CNNM2: variants seen among roughly 807,000 people sequenced by gnomAD.
CNNM2 encodes the protein cyclin and CBS domain divalent metal cation transport mediator 2.
In CNNM2, 12 loss-of-function variants were observed where a neutral mutation model predicts 66.9. The observed-to-expected ratio is 0.18, with a 90% CI of 0.11 to 0.29. The LOEUF (loss-of-function observed/expected upper bound fraction) is 0.29. Ranked by LOEUF, CNNM2 falls within the 10% of genes least tolerant of loss-of-function variation. The pLI, the probability that CNNM2 is intolerant of heterozygous loss-of-function variation, is 1.00. For missense variants in CNNM2, 705 were observed against 1,167.7 expected (o/e 0.60, Z 5.77); for synonymous variants, 557 against 501.8 (o/e 1.11, Z -1.47).
chr10:102,951,986 A>T (rs1161709443), intron 1 of CNNM2, among the ~76,000 whole-genome samples: 1 of 151,938 alleles, frequency 6.6e-6, no homozygotes, highest in Non-Finnish European at 1.5e-5. Flanking sequence ...TATTTTTAGT[A>T]GAGACAGGGT....
At chr10:102,963,514 T>C (rs1225757440) in intron 1 of CNNM2, among the ~76,000 whole-genome samples, 2 of 152,230 alleles carry the variant, frequency 1.3e-5, no homozygotes, top group African/African-American at 4.8e-5. Context: ...AGCATGAAGA[T>C]TAAAGCTGTT....
intron 1 of CNNM2, among the ~76,000 whole-genome samples, chr10:102,972,063 C>T (rs1156934835): frequency 1.3e-5 from 2 of 152,038 alleles, no homozygotes; most frequent in Non-Finnish European, 2.9e-5. Flanking sequence ...TTTATGGTGG[C>T]GTTTTTCCTT....
chr10:102,995,089 T>C (rs1316868354), intron 1 of CNNM2, among the ~76,000 whole-genome samples: 11 of 141,714 alleles, frequency 7.8e-5, no homozygotes, highest in African/African-American at 1.0e-4. Flanking sequence ...CACATGCGTT[T>C]GGTTTTTAGT....
chr10:102,998,377 A>G (rs1417161634), intron 1 of CNNM2, among the ~76,000 whole-genome samples: 1 of 152,244 alleles, frequency 6.6e-6, no homozygotes, highest in Non-Finnish European at 1.5e-5. Context: ...AAAGATAAGT[A>G]CTTTCCATTC....
At chr10:102,971,350 C>T (rs915547512) in intron 1 of CNNM2, among the ~76,000 whole-genome samples, 6 of 151,232 alleles carry the variant, frequency 4.0e-5, no homozygotes, top group Admixed American at 1.3e-4. Flanking sequence ...GAAGGTATCA[C>T]GTTAACTATT....
chr10:103,062,059 A>G lies in CNNM2; in HGVS notation c.2073+5095A>G, dbSNP rs151328304. ...AAATCATTGTTTTACAAAGCTATCT[A>G]TGCAAATATATTTATAGCAAATCTA... is the stretch of plus-strand genomic sequence containing the variant. On this transcript the variant is annotated intron_variant, in intron 4 of 7. Coordinates refer to ENST00000369878, the MANE Select transcript of CNNM2 (RefSeq NM_017649.5). 7.5e-4 allele frequency among the ~76,000 whole-genome samples: 114 copies of G among 152,378 alleles called. 1 individual carries two copies. Among genetic ancestry groups the G allele is most frequent in the African/African-American group, 2.6e-3 (107 of 41,592 alleles).
chr10:103,049,240 G>C (rs12241091), intron 1 of CNNM2, among the ~76,000 whole-genome samples: 1 of 152,256 alleles, frequency 6.6e-6, no homozygotes, highest in East Asian at 1.9e-4. Flanking sequence ...CTCCCACTAC[G>C]TTCATCTGTG....
rs932746118 is a variant in CNNM2, at chr10:102,931,374, T to C, written c.1621+11273T>C. On this transcript the variant is annotated intron_variant, in intron 1 of 7. Transcript: ENST00000369878. ...CTTCTTTCTTTTTTTTTTTTTTTTT[T>C]CGAGACAGTTTCACTCTTGTTGCCC... Among the ~76,000 whole-genome samples, 8 of 95,044 alleles carry C rather than the reference T, an allele frequency of 8.4e-5. No individual in the cohort carries two copies. The East Asian group carries it at 1.3e-3, about 15-fold the overall frequency. The allele number at this position is 95,044 out of a possible 152,430, so 62.4% of individuals were successfully genotyped here.
intron 4 of CNNM2, among the ~76,000 whole-genome samples, chr10:103,059,787 T>C (rs1310476387): frequency 6.6e-6 from 1 of 152,150 alleles, no homozygotes; most frequent in Non-Finnish European, 1.5e-5. Flanking sequence ...GAATACCTTG[T>C]AAAATAGAAT....
intron 1 of CNNM2, among the ~76,000 whole-genome samples, chr10:102,963,653 T>TA (rs398014666): frequency 3.9e-5 from 6 of 152,204 alleles, no homozygotes; most frequent in Admixed American, 2.6e-4. Flanking sequence ...TCTTTTTTTT[T>TA]ATTAAACACA....
chr10:102,936,192 G>T (rs1030478435), intron 1 of CNNM2, among the ~76,000 whole-genome samples: 1 of 152,086 alleles, frequency 6.6e-6, no homozygotes, highest in African/African-American at 2.4e-5. Flanking sequence ...GAGCCTCTGC[G>T]GAGTGGCGTT....
chr10:102,935,897 T>C (rs1245488266), intron 1 of CNNM2, among the ~76,000 whole-genome samples: 5 of 150,780 alleles, frequency 3.3e-5, no homozygotes, highest in African/African-American at 1.2e-4. Context: ...GGGATTACGA[T>C]ATGAAATGCC....
intron 1 of CNNM2, among the ~76,000 whole-genome samples, chr10:103,009,216 G>GC (rs1425956747): frequency 6.6e-6 from 1 of 152,108 alleles, no homozygotes; most frequent in Non-Finnish European, 1.5e-5. Flanking sequence ...CGGAGGTTGT[G>GC]CTGGGCCAAG....
At chr10:103,056,691 CTT>C in intron 3 of CNNM2, 102 bp from the exon 4 acceptor site, 2 of 1,110,540 alleles carry the variant, frequency 1.8e-6, no homozygotes, top group Non-Finnish European at 1.3e-6. Context: ...AATGCTATCA[CTT>C]TGATTCCAAG....
intron 1 of CNNM2, chr10:103,027,223 A>G (rs2064725087): frequency 6.6e-6 from 1 of 152,212 alleles, no homozygotes; most frequent in African/African-American, 2.4e-5. Context: ...CAAAGATGCA[A>G]AAAGAATGTG....
At chr10:102,990,232 CT>C (rs2063875198) in intron 1 of CNNM2, among the ~76,000 whole-genome samples, 1 of 152,190 alleles carries the variant, frequency 6.6e-6, no homozygotes, top group African/African-American at 2.4e-5. Context: ...TCCCAAAGTG[CT>C]GGGATTACAG....
intron 4 of CNNM2, among the ~76,000 whole-genome samples, chr10:103,063,952 T>C (rs952187037): frequency 4.6e-5 from 7 of 152,214 alleles, no homozygotes; most frequent in African/African-American, 1.4e-4. Context: ...TATTTGAAAA[T>C]GAATGTTTTT....
rs369395328 is a variant in CNNM2, at chr10:103,005,180, A to C, written c.1622-44527A>C. 0.14 allele frequency among the ~76,000 whole-genome samples: 21,213 copies of C among 151,728 alleles called. 1,665 individuals are homozygous for C. Among genetic ancestry groups the C allele is most frequent in the East Asian group, 0.19 (982 of 5,128 alleles). ...TCCACCCACCTCGGCTCCCAAAGTG[A>C]TAGGATTACAGACCTGAGCCACTGT... On this transcript the variant is annotated intron_variant, in intron 1 of 7. Coordinates refer to ENST00000369878, the MANE Select transcript of CNNM2 (RefSeq NM_017649.5).
intron 1 of CNNM2, among the ~76,000 whole-genome samples, chr10:102,995,712 A>G (rs1198033444): frequency 1.3e-5 from 2 of 151,832 alleles, no homozygotes; most frequent in Non-Finnish European, 2.9e-5. Context: ...GAAAGATGGT[A>G]GGCATTCCAT....
Sources: gnomAD v4.1 joint callset for allele counts (sites outside exome capture counted in the v4.1 genomes callset) on GRCh38, gnomAD v4.1.1 for gene constraint, MANE v1.5 for transcripts, NCBI Gene and HGNC (gene_info 2026-07-23, HGNC 2026-07-21) for gene names.